RASEF: variants seen among roughly 807,000 people sequenced by gnomAD.
RASEF encodes ras and EF-hand domain-containing protein.
Under a neutral mutation model 90.1 loss-of-function variants are expected in RASEF, and 68 were observed. The observed-to-expected ratio is 0.75, with a 90% confidence interval of 0.62 to 0.92. The LOEUF (loss-of-function observed/expected upper bound fraction) is 0.92, where lower values mean the gene tolerates loss of function less well. Ranked by LOEUF, RASEF falls within the 40% of genes least tolerant of loss-of-function variation. The pLI, the probability that RASEF is intolerant of heterozygous loss-of-function variation, is 0.00. For synonymous variants in RASEF, 331 were observed against 345.2 expected (o/e 0.96, Z 0.46); for missense variants, 949 against 937.2 (o/e 1.01, Z -0.16).
At chr9:83,103,893 A>C in the RASEF span, among the ~76,000 whole-genome samples, 1 of 152,220 alleles carries the variant, frequency 6.6e-6, no homozygotes, top group African/African-American at 2.4e-5. Context: ...TAAAACTATA[A>C]TCAACATGTT....
chr9:83,118,226 A>G, the RASEF span, among the ~76,000 whole-genome samples: 2 of 152,160 alleles, frequency 1.3e-5, no homozygotes, highest in African/African-American at 4.8e-5. Context: ...CTTTGTCTAT[A>G]GTCTGGCATC....
the RASEF span, among the ~76,000 whole-genome samples, chr9:83,170,215 T>C: frequency 6.6e-6 from 1 of 152,086 alleles, no homozygotes; most frequent in Non-Finnish European, 1.5e-5. Flanking sequence ...ATTGGCACCT[T>C]TGTCAAAATG....
the RASEF span, among the ~76,000 whole-genome samples, chr9:83,159,731 T>C: frequency 6.6e-6 from 1 of 152,084 alleles, no homozygotes; most frequent in Non-Finnish European, 1.5e-5. Flanking sequence ...ATTATATGAG[T>C]TTTGTCTTGT....
the RASEF span, among the ~76,000 whole-genome samples, chr9:83,132,757 T>G: frequency 8.5e-5 from 13 of 152,208 alleles, no homozygotes; most frequent in African/African-American, 2.9e-4. Context: ...AAGGGATAAC[T>G]TTGGAAAATG....
At chr9:83,085,712 G>A in the RASEF span, among the ~76,000 whole-genome samples, 4 of 152,112 alleles carry the variant, frequency 2.6e-5, no homozygotes, top group East Asian at 7.7e-4. Flanking sequence ...ATCACCTGAG[G>A]TCAGGAGTTC....
the RASEF span, among the ~76,000 whole-genome samples, chr9:83,069,195 C>T: frequency 1.2e-4 from 19 of 152,204 alleles, no homozygotes; most frequent in African/African-American, 4.1e-4. Context: ...AATTTACATA[C>T]GATAAAATGC....
At chr9:83,135,215 G>C in the RASEF span, among the ~76,000 whole-genome samples, 1 of 152,038 alleles carries the variant, frequency 6.6e-6, no homozygotes, top group Non-Finnish European at 1.5e-5. Flanking sequence ...GATGAAGCTG[G>C]AAACCATCAT....
At chr9:83,199,898 T>C in the RASEF span, among the ~76,000 whole-genome samples, 14 of 152,254 alleles carry the variant, frequency 9.2e-5, no homozygotes, top group Non-Finnish European at 1.5e-4. Flanking sequence ...AGTCAGGAAC[T>C]GGTTAAAAAC....
At chr9:83,159,165 G>A in the RASEF span, among the ~76,000 whole-genome samples, 4 of 141,708 alleles carry the variant, frequency 2.8e-5, no homozygotes, top group South Asian at 2.3e-4. Context: ...CAGCCTGGGC[G>A]ACAGAGCGAG....
At position 82,993,017 on chromosome 9, in the gene RASEF, G is replaced by C. The variant is rs773063912; in HGVS notation, c.1929C>G (p.Ala643=). Residue 643 remains alanine (A), a synonymous_variant, in exon 15 of 17, where the codon GCC becomes GCG. Transcript: ENST00000376447. ...CCAGCATAATGGGAACAGTCTCATG[G>C]GCTGCATCCTACCAGGAAGAAAAAA... ...REWVDMIEDA[A]HETVPIMLVG... The C allele has an allele frequency of 5.0e-6, 8 of 1,613,238 alleles. No individual in the cohort carries two copies. Among genetic ancestry groups the C allele is most frequent in the Non-Finnish European group, 6.8e-6 (8 of 1,179,772 alleles).
chr9:82,988,974 C>T (rs1195271362), intron 16 of RASEF, among the ~76,000 whole-genome samples: 4 of 152,114 alleles, frequency 2.6e-5, no homozygotes, highest in African/African-American at 9.7e-5. Context: ...GGGGAGGTGA[C>T]TCTCTCTCCT....
At position 83,015,789 on chromosome 9, in the gene RASEF, G is replaced by C. The variant is rs1829332395; in HGVS notation, c.765+16C>G. On this transcript the variant is annotated intron_variant, in intron 4 of 16. Coordinates refer to ENST00000376447, the MANE Select transcript of RASEF (RefSeq NM_152573.4). ...TGCTGAGGCTGTTCCTACAAGTCCA[G>C]CTGCCACATGCCTACCTTTCTTAGC... is the stretch of plus-strand genomic sequence containing the variant. The C allele has an allele frequency of 6.3e-7, 1 of 1,586,080 alleles. No homozygotes were observed. The highest frequency in any genetic ancestry group is 1.3e-5 in the African/African-American group (1 of 74,344).
the RASEF span, among the ~76,000 whole-genome samples, chr9:83,069,239 C>T: frequency 9.9e-5 from 15 of 152,262 alleles, no homozygotes; most frequent in Admixed American, 9.8e-4. Context: ...TGAGCTTGCA[C>T]AGATGTAAAT....
At chr9:82,985,937 A>G (rs1405879060) in intron 16 of RASEF, among the ~76,000 whole-genome samples, 3 of 152,230 alleles carry the variant, frequency 2.0e-5, no homozygotes, top group Non-Finnish European at 1.5e-5. Context: ...GGATTTGGAT[A>G]TGCAGAGTCA....
chr9:83,204,547 G>A, the RASEF span, among the ~76,000 whole-genome samples: 1 of 152,148 alleles, frequency 6.6e-6, no homozygotes, highest in African/African-American at 2.4e-5. Context: ...GATAAATTTT[G>A]TTTCAGAGAA....
At chr9:83,048,086 G>A (rs1033011051) in intron 1 of RASEF, 16 of 982,226 alleles carry the variant, frequency 1.6e-5, no homozygotes, top group African/African-American at 7.0e-5. Flanking sequence ...CTTACTGGCC[G>A]TAGACTCCAC....
chr9:83,150,303 G>A, the RASEF span, among the ~76,000 whole-genome samples: 1 of 152,130 alleles, frequency 6.6e-6, no homozygotes, highest in African/African-American at 2.4e-5. Context: ...AGGTGAGATT[G>A]ATTACCTGGA....
chr9:83,075,816 G>A, the RASEF span, among the ~76,000 whole-genome samples: 1 of 151,858 alleles, frequency 6.6e-6, no homozygotes, highest in South Asian at 2.1e-4. Flanking sequence ...AAAGATTAAA[G>A]CTCCTGTTCC....
At chr9:83,160,715 G>A in the RASEF span, among the ~76,000 whole-genome samples, 1 of 152,194 alleles carries the variant, frequency 6.6e-6, no homozygotes. Flanking sequence ...GGGTATGTCA[G>A]AGGTCTTCAC....
Sources: allele counts gnomAD v4.1 joint callset (sites outside exome capture counted in the v4.1 genomes callset), GRCh38; gene constraint gnomAD v4.1.1; transcripts MANE v1.5; gene names NCBI Gene and HGNC (gene_info 2026-07-23, HGNC 2026-07-21).